FSTL4: variants seen among roughly 807,000 people sequenced by gnomAD.
FSTL4 encodes the protein follistatin-related protein 4.
Under a neutral mutation model 78.2 loss-of-function variants are expected in FSTL4, and 28 were observed. The observed-to-expected ratio is 0.36, with a 90% CI of 0.27 to 0.49. The LOEUF is 0.49. Among genes scored for constraint, FSTL4 ranks in the 20% least tolerant of loss-of-function variants. The pLI, the probability that FSTL4 is intolerant of heterozygous loss-of-function variation, is 0.98. For synonymous variants in FSTL4, 422 were observed against 440.5 expected, an observed-to-expected ratio of 0.96 and a Z score of 0.53; for missense variants, 922 against 1,084.9, an observed-to-expected ratio of 0.85 and a Z score of 2.11.
intron 3 of FSTL4, among the ~76,000 whole-genome samples, chr5:133,422,509 G>A (rs895124064): frequency 6.6e-6 from 1 of 151,784 alleles, no homozygotes; most frequent in East Asian, 1.9e-4. Context: ...GGAGGATGCT[G>A]TTTACCGTTT....
At chr5:133,704,423 G>A in the FSTL4 span, among the ~76,000 whole-genome samples, 1 of 152,282 alleles carries the variant, frequency 6.6e-6, no homozygotes, top group South Asian at 2.1e-4. Flanking sequence ...CCAAGGCTGG[G>A]GTCAGTGACC....
the FSTL4 span, among the ~76,000 whole-genome samples, chr5:133,746,417 T>G: frequency 9.9e-6 from 1 of 101,034 alleles, no homozygotes; most frequent in Admixed American, 1.1e-4. Context: ...GAAGGAAAAC[T>G]GAAAACTTAC....
chr5:133,710,985 C>T, the FSTL4 span, among the ~76,000 whole-genome samples: 3 of 152,150 alleles, frequency 2.0e-5, no homozygotes, highest in Admixed American at 6.5e-5. Context: ...GGGAAACCTC[C>T]GTCTCTAGTT....
intron 3 of FSTL4, among the ~76,000 whole-genome samples, chr5:133,429,203 T>C (rs1370024719): frequency 6.6e-6 from 1 of 152,200 alleles, no homozygotes; most frequent in East Asian, 1.9e-4. Flanking sequence ...CCACAGCCCA[T>C]GGAATCATGA....
chr5:133,793,945 A>G, the FSTL4 span, among the ~76,000 whole-genome samples: 1 of 152,236 alleles, frequency 6.6e-6, no homozygotes, highest in Non-Finnish European at 1.5e-5. Flanking sequence ...GTAGACGCCC[A>G]GTTTCCTGGA....
At chr5:133,470,660 G>A (rs768095178) in intron 3 of FSTL4, among the ~76,000 whole-genome samples, 19 of 151,884 alleles carry the variant, frequency 1.3e-4, no homozygotes, top group Non-Finnish European at 2.2e-4. Context: ...CAGGAGAATC[G>A]CTTGAACCCA....
the FSTL4 span, among the ~76,000 whole-genome samples, chr5:133,803,523 C>A: frequency 6.6e-6 from 1 of 152,180 alleles, no homozygotes; most frequent in Non-Finnish European, 1.5e-5. Context: ...AGTCCAAGAG[C>A]ACCTCCTGGA....
chr5:133,263,469 A>AGGAGG (rs2126837915), intron 6 of FSTL4, among the ~76,000 whole-genome samples: 1 of 152,164 alleles, frequency 6.6e-6, no homozygotes, highest in South Asian at 2.1e-4. Flanking sequence ...AGAAGGGCCA[A>AGGAGG]GGAGGGTGTG....
At chr5:133,203,674 A>ATCTT (rs1182282198) in intron 14 of FSTL4, among the ~76,000 whole-genome samples, 2 of 152,164 alleles carry the variant, frequency 1.3e-5, no homozygotes, top group African/African-American at 4.8e-5. Flanking sequence ...AGGAAACTGG[A>ATCTT]TCTTAGAGAG....
chr5:133,531,859 T>C (rs1445554255), intron 3 of FSTL4, among the ~76,000 whole-genome samples: 1 of 152,146 alleles, frequency 6.6e-6, no homozygotes, highest in Non-Finnish European at 1.5e-5. Flanking sequence ...CCTTCAATAA[T>C]CTGCATGCCT....
chr5:133,798,874 G>A, the FSTL4 span, among the ~76,000 whole-genome samples: 4 of 151,312 alleles, frequency 2.6e-5, no homozygotes, highest in Admixed American at 6.6e-5. Context: ...AGCCTCCTAC[G>A]GTGGGCCTAG....
chr5:133,697,175 G>T, the FSTL4 span, among the ~76,000 whole-genome samples: 1 of 152,190 alleles, frequency 6.6e-6, no homozygotes, highest in African/African-American at 2.4e-5. Flanking sequence ...GCTCTCTGTT[G>T]GTGCTGAGCC....
intron 3 of FSTL4, among the ~76,000 whole-genome samples, chr5:133,411,281 C>A (rs559037961): frequency 1.3e-5 from 2 of 152,220 alleles, no homozygotes; most frequent in East Asian, 3.9e-4. Context: ...AGGAGTGACA[C>A]CTTAAATAGT....
intron 3 of FSTL4, among the ~76,000 whole-genome samples, chr5:133,415,267 C>T (rs959367522): frequency 1.3e-5 from 2 of 152,164 alleles, no homozygotes; most frequent in African/African-American, 4.8e-5. Context: ...CTGTCCGGCT[C>T]TCCTGAGATG....
the FSTL4 span, among the ~76,000 whole-genome samples, chr5:133,698,464 G>A: frequency 2.0e-5 from 3 of 152,324 alleles, no homozygotes; most frequent in South Asian, 2.1e-4. Flanking sequence ...TGGGTGGGGA[G>A]CACTGTCTCT....
intron 3 of FSTL4, among the ~76,000 whole-genome samples, chr5:133,500,946 GA>G (rs111455708): frequency 1.2e-3 from 172 of 145,808 alleles, no homozygotes; most frequent in East Asian, 6.2e-3. Flanking sequence ...TTTGCTTCAT[GA>G]AAAAAAAAAA....
At chr5:133,376,542 T>A (rs1100635) in intron 4 of FSTL4, among the ~76,000 whole-genome samples, 90,616 of 151,672 alleles carry the variant, frequency 0.6, 28,405 homozygotes, top group Middle Eastern at 0.73. Flanking sequence ...ATTTTGATTT[T>A]AAAAAAAACA....
At chr5:133,394,735 G>A (rs566427740) in intron 4 of FSTL4, among the ~76,000 whole-genome samples, 12 of 152,368 alleles carry the variant, frequency 7.9e-5, no homozygotes, top group East Asian at 1.9e-4. Flanking sequence ...TGAGGAGTGC[G>A]GGTGCACTGC....
At chr5:133,531,080 A>T (rs1759242018) in intron 3 of FSTL4, among the ~76,000 whole-genome samples, 1 of 152,162 alleles carries the variant, frequency 6.6e-6, no homozygotes, top group East Asian at 1.9e-4. Context: ...CGGGAGAGCG[A>T]ATGCAGAAAA....
Sources: gnomAD v4.1 joint callset for allele counts (sites outside exome capture counted in the v4.1 genomes callset) on GRCh38, gnomAD v4.1.1 for gene constraint, MANE v1.5 for transcripts, NCBI Gene and HGNC (gene_info 2026-07-23, HGNC 2026-07-21) for gene names.